Variants in FCGR2A observed in about 807,000 individuals in gnomAD.
The protein encoded by FCGR2A is low affinity immunoglobulin gamma Fc region receptor II-a.
Under a neutral mutation model 29.3 loss-of-function variants are expected in FCGR2A, and 18 were observed. The ratio of observed to expected loss-of-function variants is 0.62; its 90% CI spans 0.43 to 0.91. The LOEUF is 0.91. Among genes scored for constraint, FCGR2A ranks in the 40% least tolerant of loss-of-function variants. The pLI is 0.00. For missense variants in FCGR2A, 287 were observed against 393.0 expected, an observed-to-expected ratio of 0.73 and a Z score of 2.28; for synonymous variants, 126 against 144.8, an observed-to-expected ratio of 0.87 and a Z score of 0.93.
chr1:161,510,465 T>C (rs996337162), intron 4 of FCGR2A: 3 of 449,784 alleles, frequency 6.7e-6, no homozygotes, highest in South Asian at 4.7e-5. Context: ...CGTCATGGAC[T>C]GTTCAAGGCT....
Position 161,510,842 on chromosome 1 carries a change from A to G in FCGR2A, c.628A>G (p.Met210Val), listed in dbSNP as rs770268286. 1.2e-6 allele frequency: 2 copies of G among 1,614,150 alleles called. No individual in the cohort carries two copies. Residue 210 changes from methionine (M) to valine (V), a missense_variant, in exon 5 of 7, where the codon ATG becomes GTG. By Grantham distance (21) the Met-to-Val change is conservative (BLOSUM62 1). This residue lies in a region of FCGR2A where 72 missense variants were observed against 68.6 expected (regional missense o/e 1.05). Coordinates refer to ENST00000271450, the MANE Select transcript of FCGR2A (RefSeq NM_001136219.3). ...PVTITVQVPS[M>V]GSSSPMGIIV... ...ATGTCTGTCTTCCCTAGTGCCCAGC[A>G]TGGGCAGCTCTTCACCAATGGGGAT...
At chr1:161,512,459 A>C (rs1477509541) in intron 5 of FCGR2A, among the ~76,000 whole-genome samples, 2 of 148,644 alleles carry the variant, frequency 1.3e-5, no homozygotes, top group Non-Finnish European at 3.0e-5. Flanking sequence ...CACACAGTGG[A>C]GCCCTGAGCA....
At chr1:161,511,554 C>T (rs1329885431) in intron 5 of FCGR2A, among the ~76,000 whole-genome samples, 2 of 152,160 alleles carry the variant, frequency 1.3e-5, no homozygotes, top group Admixed American at 6.5e-5. Flanking sequence ...CACTCCTGGG[C>T]GTCCCCATGG....
At chr1:161,523,938 C>A (rs993738444), downstream of FCGR2A, 3 of 152,452 alleles carry the variant, frequency 2.0e-5, no homozygotes, top group African/African-American at 7.2e-5. Context: ...TAAAGACCTG[C>A]AGTATTGTCT....
intron 3 of FCGR2A, chr1:161,506,854 A>C (rs1675447483): frequency 1.6e-6 from 1 of 633,332 alleles, no homozygotes. Context: ...ACGAGGCCAC[A>C]AACAGCTGAG....
At chr1:161,514,146 A>G (rs549982928) in intron 6 of FCGR2A, among the ~76,000 whole-genome samples, 1 of 152,262 alleles carries the variant, frequency 6.6e-6, no homozygotes, top group East Asian at 1.9e-4. Flanking sequence ...AAAATAGGTA[A>G]TACTTAACTT....
intron 4 of FCGR2A, chr1:161,510,344 C>T: frequency 1.5e-6 from 1 of 677,468 alleles, no homozygotes; most frequent in South Asian, 1.7e-5. Context: ...AAGCAGAGCT[C>T]CCTCATTGAT....
chr1:161,506,809 T>A, intron 3 of FCGR2A: 1 of 955,632 alleles, frequency 1.0e-6, no homozygotes, highest in Non-Finnish European at 1.5e-6. Flanking sequence ...TGTGTTAGGT[T>A]GTTTTTGCCT....
intron 6 of FCGR2A, among the ~76,000 whole-genome samples, chr1:161,515,036 C>T (rs750750519): frequency 6.6e-5 from 10 of 152,356 alleles, no homozygotes; most frequent in Admixed American, 2.6e-4. Flanking sequence ...TGAGCCTTAC[C>T]AGAGATGACT....
At chr1:161,508,748 A>C (rs1364098497) in intron 3 of FCGR2A, among the ~76,000 whole-genome samples, 1 of 152,134 alleles carries the variant, frequency 6.6e-6, no homozygotes, top group Non-Finnish European at 1.5e-5. Context: ...AGGTAGCTGA[A>C]TTTTGGAATC....
At chr1:161,512,808 A>C (rs1461358714) in intron 5 of FCGR2A, among the ~76,000 whole-genome samples, 1 of 152,214 alleles carries the variant, frequency 6.6e-6, no homozygotes, top group Non-Finnish European at 1.5e-5. Flanking sequence ...TTGCACGTCC[A>C]CTGGCCAGGC....
At position 161,510,972 on chromosome 1, in the gene FCGR2A, C is replaced by A. The variant is rs780180384; in HGVS notation, c.742+16C>A. 6.2e-7 allele frequency: 1 copy of A among 1,614,100 alleles called. No homozygotes were observed. On this transcript the variant is annotated intron_variant, in intron 5 of 6. Coordinates refer to ENST00000271450, the MANE Select transcript of FCGR2A (RefSeq NM_001136219.3). The stretch of plus-strand genomic sequence containing the variant: ...CGGATTTCAGGTTTGTAGCTCCTCC[C>A]AGTCCCTTTTGTTATCAGTTTCCAT...
At chr1:161,521,364 G>C (rs1370268463), downstream of FCGR2A, among the ~76,000 whole-genome samples, 1 of 151,886 alleles carries the variant, frequency 6.6e-6, no homozygotes, top group Non-Finnish European at 1.5e-5. Flanking sequence ...TTTGACGTTT[G>C]AAATCAGAGA....
At chr1:161,506,085 G>A (rs56315079) in intron 2 of FCGR2A, 78 bp downstream of exon 2, 54,962 of 1,465,472 alleles carry the variant, frequency 0.038, 1,239 homozygotes, top group South Asian at 0.043. Context: ...GGGGCGGCGG[G>A]GGGGTATGTC....
At chr1:161,508,514 G>A (rs1395908889) in intron 3 of FCGR2A, among the ~76,000 whole-genome samples, 2 of 151,164 alleles carry the variant, frequency 1.3e-5, no homozygotes, top group African/African-American at 4.9e-5. Flanking sequence ...TTGAACTTGG[G>A]AGGTGGAGTT....
At chr1:161,506,268 C>G (rs569469949) in intron 2 of FCGR2A, 66 bp from the exon 3 acceptor site, 1 of 1,590,302 alleles carries the variant, frequency 6.3e-7, no homozygotes, top group East Asian at 2.2e-5. Context: ...CCCTTGGGAG[C>G]TCCTTTGGCA....
rs976279797 is a variant in FCGR2A, at chr1:161,509,800, A to G, written c.365-20A>G. 1 of 1,613,338 alleles carries G rather than the reference A, an allele frequency of 6.2e-7. No individual in the cohort carries two copies. The highest frequency in any genetic ancestry group is 8.5e-7 in the Non-Finnish European group (1 of 1,179,584). ...GAATCTATCCTTACAACTTTTTCTT[A>G]TCATATTTGTGTCTTTCAGAATGGC... is the stretch of plus-strand genomic sequence containing the variant. On this transcript the variant is annotated intron_variant, in intron 3 of 6. Transcript: ENST00000271450.
downstream of FCGR2A, chr1:161,523,005 T>G (rs1676513870): frequency 6.6e-6 from 1 of 152,142 alleles, no homozygotes; most frequent in Non-Finnish European, 1.5e-5. Context: ...TTAGTTTCTC[T>G]TTTTACAAAT....
intron 6 of FCGR2A, 137 bp downstream of exon 6, chr1:161,514,069 C>G: frequency 8.3e-7 from 1 of 1,209,948 alleles, no homozygotes; most frequent in South Asian, 1.2e-5. Context: ...GCCACCCAGG[C>G]CTTAGAAATA....
Sources: allele counts gnomAD v4.1 joint callset (sites outside exome capture counted in the v4.1 genomes callset), GRCh38; gene constraint gnomAD v4.1.1; regional missense constraint gnomAD v4.1.1; transcripts MANE v1.5; gene names NCBI Gene and HGNC (gene_info 2026-07-23, HGNC 2026-07-21).